Variants in SCT observed in about 807,000 individuals in gnomAD.
SCT encodes prepro-secretin.
Under a neutral mutation model 10.9 loss-of-function variants are expected in SCT, and 17 were observed. The observed-to-expected ratio is 1.55, with a 90% CI of 1.06 to 2.33. SCT has a LOEUF of 2.33. Ranked by LOEUF, SCT falls within the 30% of genes most tolerant of loss-of-function variation. The probability of loss-of-function intolerance (pLI) is 0.00; values close to 1 mark genes in which losing one functional copy is unlikely to be tolerated. For synonymous variants in SCT, 96 were observed against 73.9 expected, an observed-to-expected ratio of 1.30 and a Z score of -1.54; for missense variants, 230 against 165.9, an observed-to-expected ratio of 1.39 and a Z score of -2.12.
At position 626,451 on chromosome 11, in the gene SCT, C is replaced by A; in HGVS notation, c.346G>T (p.Gly116Ter). Residue 116 changes from glycine (G) to a stop codon, truncating the protein, a stop_gained, in exon 4 of 4, where the codon GGA becomes TGA. Transcript: ENST00000176195. LOFTEE classifies it high-confidence loss of function. ...CTTCCTCATCTGGGCCGCAAGGTTCCTTCTGCAGCAGCGCCAGCTGGTTCT... is the reference window on the plus strand; with the variant it reads ...CTTCCTCATCTGGGCCGCAAGGTTCATTCTGCAGCAGCGCCAGCTGGTTCT... ...VSEPAGAAAE[G>*]TLRPR 1 of 1,554,310 alleles carries A rather than the reference C, an allele frequency of 6.4e-7. No individual in the cohort carries two copies. Among genetic ancestry groups the A allele is most frequent in the Non-Finnish European group, 8.7e-7 (1 of 1,148,498 alleles).
In SCT at chr11:626,546, G is replaced by A. The variant is rs1219868363; in HGVS notation, c.267-16C>T. 9 of 1,546,414 alleles carry A rather than the reference G, an allele frequency of 5.8e-6. No homozygotes were observed. Among genetic ancestry groups the A allele is most frequent in the African/African-American group, 1.4e-5 (1 of 73,016 alleles). ...CAGGGGCATCCTGCAGAGACAGCAC[G>A]TGAGGGTCTGAGGGCTGGGGCTGGA... is the stretch of plus-strand genomic sequence containing the variant. On this transcript the variant is annotated splice_polypyrimidine_tract_variant and intron_variant, in intron 3 of 3. Transcript: ENST00000176195.
rs1390516593 is a variant in SCT at position 626,521 on chromosome 11, C to T, written c.276G>A (p.Leu92=). The change falls in exon 4 of 4, where the codon CTG becomes CTA. Residue 92 remains leucine, a synonymous_variant. Transcript: ENST00000176195. ...NMPILQAWMP[L]DGTWSPWLPP... is the part of the protein sequence containing the mutation. ...GCAGCCAGGGAGACCAGGTCCCGTCCAGGGGCATCCTGCAGAGACAGCACG... is the reference window on the plus strand; with the variant it reads ...GCAGCCAGGGAGACCAGGTCCCGTCTAGGGGCATCCTGCAGAGACAGCACG... 3.2e-6 allele frequency: 5 copies of T among 1,558,558 alleles called. No homozygotes were observed. In the African/African-American group the frequency reaches 4.1e-5, roughly 13 times the overall value.
chr11:626,350 C>T lies in SCT; in HGVS notation c.*81G>A. On this transcript the variant is annotated 3_prime_UTR_variant, in exon 4 of 4. Transcript: ENST00000176195. ...CCTTTATTGGTGCCAAGTACCACCC[C>T]TCCCCCTCTCCCCCATCCTGCCCCC... 4 of 1,038,778 alleles carry T rather than the reference C, an allele frequency of 3.9e-6. No individual in the cohort carries two copies. The highest frequency in any genetic ancestry group is 5.8e-6 in the Non-Finnish European group (4 of 692,858). 64.3% of individuals were successfully genotyped at this position (1,038,778 alleles called of 1,614,324 possible).
At position 626,599 on chromosome 11, in the gene SCT, C is replaced by G. The variant is rs2133231296; in HGVS notation, c.267-69G>C. ...CCCCGGCCCCGCTGCTGGAATTGGG[C>G]CTCCAGTGGCCACCAGCGCTGACCC... On this transcript the variant is annotated intron_variant, in intron 3 of 3. Coordinates refer to ENST00000176195, the MANE Select transcript of SCT (RefSeq NM_021920.4). The G allele has an allele frequency of 1.2e-5, 18 of 1,475,708 alleles. 1 individual carries two copies. In the South Asian group the frequency reaches 2.2e-4, roughly 18 times the overall value. 91.4% of individuals were successfully genotyped at this position (1,475,708 alleles called of 1,614,324 possible).
In SCT at chr11:627,068, C is replaced by G; in HGVS notation, c.71+5G>C. On this transcript the variant is annotated splice_donor_5th_base_variant and intron_variant, in intron 1 of 3. Coordinates refer to ENST00000176195, the MANE Select transcript of SCT (RefSeq NM_021920.4). ...GGGGGCGGGCGGGCCTGGCGGGCGG[C>G]TCACCTGGGGGGCGCGGGGCGCGCG... The G allele has an allele frequency of 8.3e-7, 1 of 1,199,752 alleles. No individual in the cohort carries two copies. Among genetic ancestry groups the G allele is most frequent in the East Asian group, 3.8e-5 (1 of 26,630 alleles). 74.3% of individuals were successfully genotyped at this position (1,199,752 alleles called of 1,614,324 possible). A position where few individuals can be genotyped will look rare whatever the true frequency, so the allele number is the denominator to read the frequency against.
chr11:626,757 G>A lies in SCT; in HGVS notation c.206C>T (p.Thr69Ile), dbSNP rs763743489. Residue 69 changes from threonine to isoleucine, a missense_variant, in exon 3 of 4, where the codon ACC becomes ATC. Transcript: ENST00000176195. ...GCAGAGCAGACCCGCGCTGAGCCTG[G>A]TCCAGGCCATGCTGTTCTCTGCGTC... The part of the protein sequence containing the change: ...EQDAENSMAW[T>I]RLSAGLLCPS... 21 of 1,550,632 alleles carry A rather than the reference G, an allele frequency of 1.4e-5. No individual in the cohort carries two copies. In the Middle Eastern group the frequency reaches 5.0e-4, roughly 37 times the overall value.
rs1589950222 is a variant in SCT, at chr11:626,348, C to A, written c.*83G>T. The A allele has an allele frequency of 2.0e-6, 2 of 1,016,624 alleles. No individual in the cohort carries two copies. Among genetic ancestry groups the A allele is most frequent in the East Asian group, 5.2e-5 (2 of 38,350 alleles). 63.0% of individuals were successfully genotyped at this position (1,016,624 alleles called of 1,614,324 possible). ...CTCCTTTATTGGTGCCAAGTACCAC[C>A]CCTCCCCCTCTCCCCCATCCTGCCC... On this transcript the variant is annotated 3_prime_UTR_variant, in exon 4 of 4. Coordinates refer to ENST00000176195, the MANE Select transcript of SCT (RefSeq NM_021920.4).
At position 626,713 on chromosome 11, in the gene SCT, G is replaced by T; in HGVS notation, c.250C>A (p.Pro84Thr). 6.5e-7 allele frequency: 1 copy of T among 1,549,690 alleles called. No homozygotes were observed. Among genetic ancestry groups the T allele is most frequent in the South Asian group, 1.2e-5 (1 of 84,024 alleles). Residue 84 changes from proline (P) to threonine (T), a missense_variant, in exon 3 of 4, where the codon CCC becomes ACC. Transcript: ENST00000176195. ...GGTGCTCACCAGGCCTGCAGGATGG[G>T]CATGTTGGACCCTGACGGGCAGAGC... Reference protein sequence around the residue: ...GLLCPSGSNMPILQAWMPLDG... With the variant: ...GLLCPSGSNMTILQAWMPLDG...
Sources: allele counts gnomAD v4.1 joint callset, GRCh38; gene constraint gnomAD v4.1.1; transcripts MANE v1.5; gene names NCBI Gene and HGNC (gene_info 2026-07-23, HGNC 2026-07-21).